Variants in CLCF1 observed in about 807,000 individuals in gnomAD.
The protein encoded by CLCF1 is cardiotrophin like cytokine factor 1.
CLCF1 carries 10 observed loss-of-function variants against 21.2 expected under a neutral mutation model. The ratio of observed to expected loss-of-function variants is 0.47; its 90% CI spans 0.29 to 0.80. The LOEUF (loss-of-function observed/expected upper bound fraction) is 0.80, where lower values mean the gene tolerates loss of function less well. Ranked by LOEUF, CLCF1 falls within the 30% of genes least tolerant of loss-of-function variation. The pLI, the probability that CLCF1 is intolerant of heterozygous loss-of-function variation, is 0.09. For synonymous variants in CLCF1, 115 were observed against 120.5 expected (o/e 0.95, Z 0.30); for missense variants, 240 against 293.4 (o/e 0.82, Z 1.33).
chr11:67,365,613 G>C lies in CLCF1; in HGVS notation c.201C>G (p.Pro67=). ...LAGTYLNYLG[P]PFNEPDFNPP... Reference sequence around the variant, plus strand: ...GGTTGAAGTCTGGCTCGTTGAAAGGGGGGCCCAGGTAGTTCAGCTGTGAAA... The same window carrying C: ...GGTTGAAGTCTGGCTCGTTGAAAGGCGGGCCCAGGTAGTTCAGCTGTGAAA... The change falls in exon 3 of 3, where the codon CCC becomes CCG. Residue 67 remains proline, a synonymous_variant. Coordinates refer to ENST00000312438, the MANE Select transcript of CLCF1 (RefSeq NM_013246.3). This position sits in a 1 kb window ranked among gnomAD's most constrained non-coding sequence, Gnocchi z 5.0. 2 of 1,611,964 alleles carry C rather than the reference G, an allele frequency of 1.2e-6. No homozygotes were observed. Among genetic ancestry groups the C allele is most frequent in the Non-Finnish European group, 1.7e-6 (2 of 1,178,264 alleles).
intron 1 of CLCF1, among the ~76,000 whole-genome samples, chr11:67,373,182 C>G (rs892116450): frequency 2.0e-5 from 3 of 151,948 alleles, no homozygotes; most frequent in African/African-American, 7.2e-5. Flanking sequence ...AGCCTCGCTC[C>G]CCGCCTCGGA....
chr11:67,370,179 T>C (rs1164717036), intron 1 of CLCF1: 1 of 985,286 alleles, frequency 1.0e-6, no homozygotes, highest in East Asian at 1.1e-4. Context: ...GGCAAAGCCA[T>C]GCCCGTGTCT....
chr11:67,367,946 A>G (rs1862151303), intron 1 of CLCF1: 1 of 984,810 alleles, frequency 1.0e-6, no homozygotes, highest in African/African-American at 1.8e-5. Flanking sequence ...ATATGTGTGT[A>G]CATGGAGGGA....
rs137932176 is a variant in CLCF1, at chr11:67,368,016, C to T, written c.17-390G>A. 2.1e-5 allele frequency: 20 copies of T among 961,406 alleles called. No individual in the cohort carries two copies. In the African/African-American group the frequency reaches 5.5e-4, roughly 27 times the overall value. The allele number at this position is 961,406 out of a possible 1,614,324, so 59.6% of individuals were successfully genotyped here. On this transcript the variant is annotated intron_variant, in intron 1 of 2. Transcript: ENST00000312438. ...CTGTGTTCCAGTTGTACCCTAGCTTCCTGCCAGTCTTCAGTCCCACTGCAG... is the reference window on the plus strand; with the variant it reads ...CTGTGTTCCAGTTGTACCCTAGCTTTCTGCCAGTCTTCAGTCCCACTGCAG...
At position 67,372,201 on chromosome 11, in the gene CLCF1, C is replaced by T. The variant is rs78244251; in HGVS notation, c.16+1323G>A. On this transcript the variant is annotated intron_variant, in intron 1 of 2. Transcript: ENST00000312438. The surrounding 1 kb of genome is among the most constrained non-coding windows in gnomAD (Gnocchi z 5.9). ...CAGTAGAGCAGCGTGCCCAGTGCCC[C>T]CCACCCCTAGCCTCTCTCCAAGGCT... 0.02 allele frequency among the ~76,000 whole-genome samples: 3,037 copies of T among 152,102 alleles called. 36 individuals are homozygous for T. Among genetic ancestry groups the T allele is most frequent in the East Asian group, 0.048 (249 of 5,148 alleles).
chr11:67,366,985 A>AC (rs35983106), intron 2 of CLCF1, among the ~76,000 whole-genome samples: 1 of 150,826 alleles, frequency 6.6e-6, no homozygotes, highest in African/African-American at 2.4e-5. Context: ...TTCCCCCATG[A>AC]CCCCCCTAGG....
chr11:67,371,148 TC>T, intron 1 of CLCF1: 1 of 897,456 alleles, frequency 1.1e-6, no homozygotes, highest in Non-Finnish European at 1.3e-6. Flanking sequence ...TGACCTACCT[TC>T]CCAGGCAAAG....
In CLCF1 at chr11:67,364,441, G is replaced by A. The variant is rs2134870231; in HGVS notation, c.*695C>T. On this transcript the variant is annotated 3_prime_UTR_variant, in exon 3 of 3. Coordinates refer to ENST00000312438, the MANE Select transcript of CLCF1 (RefSeq NM_013246.3). ...CCCTGGGAAAGGGGGCAGAGAAGAG[G>A]CACCGTAATACTGGAAGACAATTCG... 6.5e-6 allele frequency: 1 copy of A among 152,690 alleles called. No individual in the cohort carries two copies. The highest frequency in any genetic ancestry group is 1.5e-5 in the Non-Finnish European group (1 of 68,046). 9.5% of individuals were successfully genotyped at this position (152,690 alleles called of 1,614,324 possible).
intron 1 of CLCF1, chr11:67,368,687 T>C: frequency 1.0e-6 from 1 of 985,370 alleles, no homozygotes; most frequent in Non-Finnish European, 1.2e-6. Flanking sequence ...CAGATTAGTT[T>C]AGACTTGGGA....
At chr11:67,370,407 C>T in intron 1 of CLCF1, 1 of 984,618 alleles carries the variant, frequency 1.0e-6, no homozygotes, top group South Asian at 4.7e-5. Flanking sequence ...TCCTGGCCCC[C>T]AGCCCGGCCC....
In CLCF1 at chr11:67,373,506, C is replaced by T. The variant is rs763939968; in HGVS notation, c.16+18G>A. 8 of 1,358,324 alleles carry T rather than the reference C, an allele frequency of 5.9e-6. No individual in the cohort carries two copies. The African/African-American group carries it at 1.1e-4, about 18-fold the overall frequency. The allele number at this position is 1,358,324 out of a possible 1,614,324, so 84.1% of individuals were successfully genotyped here. A position where few individuals can be genotyped will look rare whatever the true frequency, so the allele number is the denominator to read the frequency against. ...CTTGGCGGGGCGGGGGTCGGGGCCT[C>T]GGCCGCCTGGCTCCTACCTGCTCGG... On this transcript the variant is annotated intron_variant, in intron 1 of 2. Coordinates refer to ENST00000312438, the MANE Select transcript of CLCF1 (RefSeq NM_013246.3).
At chr11:67,366,618 T>G (rs1862103440) in intron 2 of CLCF1, among the ~76,000 whole-genome samples, 1 of 151,834 alleles carries the variant, frequency 6.6e-6, no homozygotes, top group South Asian at 2.1e-4. Flanking sequence ...GATGTATAAC[T>G]GGGAAAGAAG....
Position 67,365,693 on chromosome 11 carries a change from G to A in CLCF1, c.184-63C>T. 6.5e-7 allele frequency: 1 copy of A among 1,527,370 alleles called. No individual in the cohort carries two copies. The highest frequency in any genetic ancestry group is 8.8e-7 in the Non-Finnish European group (1 of 1,137,816). 94.6% of individuals were successfully genotyped at this position (1,527,370 alleles called of 1,614,324 possible). On this transcript the variant is annotated intron_variant, in intron 2 of 2. Transcript: ENST00000312438. The surrounding 1 kb of genome is among the most constrained non-coding windows in gnomAD (Gnocchi z 5.0). ...AGAGCCGCTGGCTCACCACCAAGGAGATACCTGCTCCCAAAGTTTCTATTT... is the reference window on the plus strand; with the variant it reads ...AGAGCCGCTGGCTCACCACCAAGGAAATACCTGCTCCCAAAGTTTCTATTT...
intron 1 of CLCF1, chr11:67,370,750 C>T: frequency 1.0e-6 from 1 of 985,420 alleles, no homozygotes; most frequent in East Asian, 1.1e-4. Flanking sequence ...CTGGCCTGGA[C>T]ACCCCCAGGC....
intron 2 of CLCF1, among the ~76,000 whole-genome samples, chr11:67,366,136 G>A (rs1862092930): frequency 6.6e-6 from 1 of 152,216 alleles, no homozygotes; most frequent in African/African-American, 2.4e-5. Flanking sequence ...GGTGCCTGAC[G>A]ACCTTGGAGA....
At chr11:67,368,393 G>C in intron 1 of CLCF1, 1 of 985,372 alleles carries the variant, frequency 1.0e-6, no homozygotes, top group Non-Finnish European at 1.2e-6. Flanking sequence ...GCAAGGGTGG[G>C]GACAGGAAGG....
intron 1 of CLCF1, chr11:67,369,717 G>A: frequency 1.0e-6 from 1 of 985,442 alleles, no homozygotes; most frequent in Non-Finnish European, 1.2e-6. Context: ...GCCGGAGCTG[G>A]GAGCTAGGCT....
chr11:67,369,126 G>GGA (rs770015491), intron 1 of CLCF1: 207 of 985,162 alleles, frequency 2.1e-4, no homozygotes, highest in Admixed American at 3.1e-4. Context: ...GGGCAGTTTT[G>GGA]GAGAGGGCTA....
rs1028369328 is a variant in CLCF1 at position 67,373,588 on chromosome 11, C to T, written c.-49G>A. 4.5e-6 allele frequency: 6 copies of T among 1,329,658 alleles called. No individual in the cohort carries two copies. In the African/African-American group the frequency reaches 9.2e-5, roughly 20 times the overall value. The allele number at this position is 1,329,658 out of a possible 1,614,324, so 82.4% of individuals were successfully genotyped here. On this transcript the variant is annotated 5_prime_UTR_variant, in exon 1 of 3. Coordinates refer to ENST00000312438, the MANE Select transcript of CLCF1 (RefSeq NM_013246.3). ...GTGCGGCTCCTCTCCCGGAGGCTGG[C>T]GGAGTGGGAGGGCGAGCCGCGGCTC...
Sources: allele counts gnomAD v4.1 joint callset (sites outside exome capture counted in the v4.1 genomes callset), GRCh38; gene constraint gnomAD v4.1.1; non-coding constraint Gnocchi (gnomAD v3.1); transcripts MANE v1.5; gene names NCBI Gene and HGNC (gene_info 2026-07-23, HGNC 2026-07-21).